CEP128: variants seen among roughly 807,000 people sequenced by gnomAD.
The protein encoded by CEP128 is centrosomal protein 128.
A neutral mutation model predicts 156.7 loss-of-function variants in CEP128; 132 were observed. That is an observed-to-expected ratio of 0.84 (90% confidence interval 0.73 to 0.97). The LOEUF (loss-of-function observed/expected upper bound fraction) is 0.97, where lower values mean the gene tolerates loss of function less well. Among genes scored for constraint, CEP128 ranks in the 50% least tolerant of loss-of-function variants. The pLI is 0.00. For missense variants in CEP128, 1,252 were observed against 1,281.9 expected (o/e 0.98, Z 0.36); for synonymous variants, 469 against 448.9 (o/e 1.04, Z -0.57).
chr14:80,726,288 C>G (rs1304132888), intron 19 of CEP128, among the ~76,000 whole-genome samples: 1 of 152,132 alleles, frequency 6.6e-6, no homozygotes, highest in Non-Finnish European at 1.5e-5. Flanking sequence ...TTTATATTCC[C>G]TCAGAGTATT....
intron 19 of CEP128, among the ~76,000 whole-genome samples, chr14:80,729,720 G>A (rs1898192254): frequency 4.6e-5 from 7 of 152,034 alleles, no homozygotes; most frequent in Admixed American, 4.6e-4. Context: ...TTTAATTATG[G>A]CCATTCTTGC....
chr14:80,755,877 C>T (rs1050605860), intron 18 of CEP128, among the ~76,000 whole-genome samples: 1 of 152,080 alleles, frequency 6.6e-6, no homozygotes, highest in South Asian at 2.1e-4. Flanking sequence ...TTGTCTCATG[C>T]AGTAATAGAA....
intron 8 of CEP128, among the ~76,000 whole-genome samples, chr14:80,871,365 A>G (rs952701140): frequency 3.9e-5 from 6 of 152,088 alleles, no homozygotes; most frequent in Non-Finnish European, 7.4e-5. Context: ...GAAAAGTAGT[A>G]TTAGAAGTAG....
intron 19 of CEP128, among the ~76,000 whole-genome samples, chr14:80,679,813 C>T (rs780512280): frequency 6.6e-6 from 1 of 152,166 alleles, no homozygotes; most frequent in Non-Finnish European, 1.5e-5. Flanking sequence ...TTAATAAAAA[C>T]CTGCTGGTTT....
intron 7 of CEP128, among the ~76,000 whole-genome samples, chr14:80,897,697 C>G (rs568059737): frequency 1.3e-5 from 2 of 152,302 alleles, no homozygotes; most frequent in Admixed American, 6.5e-5. Context: ...CCCTGTCCAT[C>G]TCTCTCCTGC....
chr14:80,606,297 A>T (rs1470987439), intron 19 of CEP128, among the ~76,000 whole-genome samples: 1 of 152,180 alleles, frequency 6.6e-6, no homozygotes, highest in Non-Finnish European at 1.5e-5. Flanking sequence ...AAGCAGCAAC[A>T]AAGGTATTTT....
intron 23 of CEP128, among the ~76,000 whole-genome samples, chr14:80,512,513 G>A (rs1888307123): frequency 6.6e-6 from 1 of 151,666 alleles, no homozygotes; most frequent in Admixed American, 6.6e-5. Context: ...CAGACCATTG[G>A]GTCTTGTTTC....
downstream of CEP128, among the ~76,000 whole-genome samples, chr14:80,487,633 A>T (rs1887198309): frequency 6.6e-6 from 1 of 152,058 alleles, no homozygotes; most frequent in Non-Finnish European, 1.5e-5. Flanking sequence ...GAAGTAAAGC[A>T]CTCCTCAGCA....
intron 16 of CEP128, among the ~76,000 whole-genome samples, chr14:80,762,555 A>G (rs1257177819): frequency 2.0e-5 from 3 of 152,216 alleles, no homozygotes; most frequent in Non-Finnish European, 4.4e-5. Flanking sequence ...TATTTTACTA[A>G]AAGAAACATA....
chr14:80,862,394 G>A (rs1034496276), intron 9 of CEP128, among the ~76,000 whole-genome samples: 6 of 152,166 alleles, frequency 3.9e-5, no homozygotes, highest in African/African-American at 1.4e-4. Context: ...AAATTAATCA[G>A]AATAATTATA....
intron 21 of CEP128, among the ~76,000 whole-genome samples, chr14:80,533,540 C>A (rs1475403576): frequency 6.6e-6 from 1 of 152,130 alleles, no homozygotes; most frequent in Non-Finnish European, 1.5e-5. Context: ...TGTTTACATA[C>A]TATTTTTGAC....
At chr14:80,958,063 C>T (rs1886798122) in intron 2 of CEP128, 1 of 151,906 alleles carries the variant, frequency 6.6e-6, no homozygotes, top group African/African-American at 2.4e-5. Context: ...CTACCATCTG[C>T]AACAGTAGAA....
intron 19 of CEP128, among the ~76,000 whole-genome samples, chr14:80,690,516 A>C (rs1374080489): frequency 6.6e-6 from 1 of 152,128 alleles, no homozygotes; most frequent in Non-Finnish European, 1.5e-5. Flanking sequence ...GCGTGGATAA[A>C]TTGTCACAAA....
chr14:80,719,653 T>A (rs1181626524), intron 19 of CEP128, among the ~76,000 whole-genome samples: 1 of 152,116 alleles, frequency 6.6e-6, no homozygotes, highest in Non-Finnish European at 1.5e-5. Context: ...ACAGAATTCA[T>A]TAGAAGAAAG....
At chr14:80,921,093 AT>A (rs1884833820) in intron 2 of CEP128, among the ~76,000 whole-genome samples, 1 of 152,238 alleles carries the variant, frequency 6.6e-6, no homozygotes, top group Non-Finnish European at 1.5e-5. Context: ...TCTGAAGAAC[AT>A]TTAATGACAA....
intron 8 of CEP128, chr14:80,894,821 C>T (rs1335433187): frequency 3.6e-6 from 1 of 275,266 alleles, no homozygotes; most frequent in African/African-American, 2.3e-5. Flanking sequence ...TTTTTATCTC[C>T]TAGCACATTC....
intron 19 of CEP128, among the ~76,000 whole-genome samples, chr14:80,643,734 A>G (rs1894518872): frequency 2.6e-5 from 1 of 38,496 alleles, no homozygotes; most frequent in Admixed American, 3.0e-4. Context: ...GGTACATGGA[A>G]TACACACAGC....
At chr14:80,663,308 A>G (rs1394197141) in intron 19 of CEP128, among the ~76,000 whole-genome samples, 5 of 152,284 alleles carry the variant, frequency 3.3e-5, no homozygotes, top group South Asian at 4.2e-4. Flanking sequence ...CTTGATTTCA[A>G]TAGGATGGAG....
chr14:80,951,359 G>T (rs1011389710), intron 2 of CEP128, among the ~76,000 whole-genome samples: 2 of 152,086 alleles, frequency 1.3e-5, no homozygotes, highest in African/African-American at 2.4e-5. Flanking sequence ...GGCAGGAGAG[G>T]AGAAATGGAG....
Sources: allele counts gnomAD v4.1 joint callset (sites outside exome capture counted in the v4.1 genomes callset), GRCh38; gene constraint gnomAD v4.1.1; transcripts MANE v1.5; gene names NCBI Gene and HGNC (gene_info 2026-07-23, HGNC 2026-07-21).